STX8: variants seen among roughly 807,000 people sequenced by gnomAD.
STX8 encodes the protein syntaxin-8.
In STX8, 23 loss-of-function variants were observed where a neutral mutation model predicts 37.5. The observed-to-expected ratio is 0.61, with a 90% confidence interval of 0.44 to 0.87. The LOEUF (loss-of-function observed/expected upper bound fraction) is 0.87. STX8 is among the 40% of genes least tolerant of loss of function. The pLI, the probability that STX8 is intolerant of heterozygous loss-of-function variation, is 0.00. For synonymous variants in STX8, 115 were observed against 99.1 expected (o/e 1.16, Z -0.95); for missense variants, 313 against 284.7 (o/e 1.10, Z -0.71).
At chr17:9,504,245 A>G (rs16958368) in intron 5 of STX8, among the ~76,000 whole-genome samples, 5,152 of 152,128 alleles carry the variant, frequency 0.034, 326 homozygotes, top group African/African-American at 0.12. Flanking sequence ...GAGAAACAAT[A>G]TGGAGGGCTT....
intron 6 of STX8, among the ~76,000 whole-genome samples, chr17:9,425,074 G>A (rs1415483944): frequency 6.6e-6 from 1 of 152,066 alleles, no homozygotes; most frequent in East Asian, 1.9e-4. Context: ...ATTTTTATGG[G>A]GTAGGACAGA....
chr17:9,466,418 T>A (rs1905616016), intron 6 of STX8, among the ~76,000 whole-genome samples: 2 of 151,990 alleles, frequency 1.3e-5, no homozygotes, highest in Admixed American at 6.6e-5. Flanking sequence ...TTCCAAAGAG[T>A]GGACTAAATT....
intron 7 of STX8, among the ~76,000 whole-genome samples, chr17:9,333,595 T>A (rs546661915): frequency 1.3e-5 from 2 of 152,154 alleles, no homozygotes; most frequent in Non-Finnish European, 1.5e-5. Flanking sequence ...TTCACTGTGT[T>A]AGCCAGGATG....
At chr17:9,430,629 G>T (rs1913923925) in intron 6 of STX8, among the ~76,000 whole-genome samples, 6 of 147,938 alleles carry the variant, frequency 4.1e-5, no homozygotes, top group Non-Finnish European at 8.9e-5. Flanking sequence ...TTGACGGACA[G>T]TTGGGCTCAG....
At chr17:9,338,048 A>AGTTTTTT (rs1388436382) in intron 7 of STX8, among the ~76,000 whole-genome samples, 1 of 107,888 alleles carries the variant, frequency 9.3e-6, no homozygotes, top group African/African-American at 3.6e-5. Context: ...CCTCTGAAGG[A>AGTTTTTT]TTTTTTTTTT....
chr17:9,395,624 A>T (rs1238594611), intron 6 of STX8, among the ~76,000 whole-genome samples: 1 of 152,186 alleles, frequency 6.6e-6, no homozygotes, highest in Non-Finnish European at 1.5e-5. Context: ...GTACAGGCTA[A>T]GGTATAGGTC....
intron 7 of STX8, among the ~76,000 whole-genome samples, chr17:9,270,032 C>T (rs895741678): frequency 3.7e-4 from 57 of 152,320 alleles, no homozygotes; most frequent in African/African-American, 1.4e-3. Context: ...CATGATTTAC[C>T]TTCCCCGATG....
intron 5 of STX8, among the ~76,000 whole-genome samples, chr17:9,501,068 C>T (rs1408348712): frequency 5.3e-5 from 8 of 152,040 alleles, no homozygotes; most frequent in Non-Finnish European, 1.0e-4. Flanking sequence ...ATATATAAGA[C>T]ACGTATAGCA....
At chr17:9,550,971 A>C (rs186463611) in intron 3 of STX8, among the ~76,000 whole-genome samples, 56 of 152,290 alleles carry the variant, frequency 3.7e-4, no homozygotes, top group Non-Finnish European at 6.8e-4. Flanking sequence ...GGTACTTGGG[A>C]GGCTGGGGTA....
chr17:9,355,743 C>T (rs1910859877), intron 7 of STX8, among the ~76,000 whole-genome samples: 2 of 152,058 alleles, frequency 1.3e-5, no homozygotes, highest in African/African-American at 2.4e-5. Flanking sequence ...CTTCTGACCT[C>T]GTGATCTGCC....
chr17:9,342,084 CTG>C (rs1910379083), intron 7 of STX8, among the ~76,000 whole-genome samples: 4 of 152,114 alleles, frequency 2.6e-5, no homozygotes, highest in Admixed American at 2.0e-4. Context: ...CGGGATGAAA[CTG>C]TTTCATCTCA....
intron 7 of STX8, among the ~76,000 whole-genome samples, chr17:9,341,140 A>G (rs1910343508): frequency 6.6e-6 from 1 of 151,952 alleles, no homozygotes. Flanking sequence ...TTTCACATGG[A>G]AATGGAGGTT....
intron 6 of STX8, among the ~76,000 whole-genome samples, chr17:9,489,791 C>T (rs1206650769): frequency 6.8e-6 from 1 of 146,870 alleles, no homozygotes; most frequent in Non-Finnish European, 1.5e-5. Flanking sequence ...CAGGTTGAAG[C>T]GATTCTCCTG....
chr17:9,321,346 A>T (rs955558723), intron 7 of STX8, among the ~76,000 whole-genome samples: 2 of 151,948 alleles, frequency 1.3e-5, no homozygotes, highest in Non-Finnish European at 2.9e-5. Flanking sequence ...CCTGGCCAAC[A>T]TGGTAAAACC....
chr17:9,500,549 G>A (rs35048190), intron 5 of STX8, among the ~76,000 whole-genome samples: 12,957 of 152,230 alleles, frequency 0.085, 701 homozygotes, highest in South Asian at 0.14. Flanking sequence ...GTACTCTGTA[G>A]ATCTGCACAG....
intron 7 of STX8, among the ~76,000 whole-genome samples, chr17:9,369,943 G>A (rs1049572575): frequency 1.9e-4 from 28 of 146,644 alleles, no homozygotes; most frequent in African/African-American, 5.5e-4. Context: ...AGCCAGGTGC[G>A]GTGGCTCACA....
At chr17:9,520,355 C>A (rs1448827165) in intron 4 of STX8, among the ~76,000 whole-genome samples, 1 of 152,166 alleles carries the variant, frequency 6.6e-6, no homozygotes, top group African/African-American at 2.4e-5. Flanking sequence ...CAGTAAAACA[C>A]CTTGTAGCTC....
intron 7 of STX8, among the ~76,000 whole-genome samples, chr17:9,362,336 A>G (rs1290227910): frequency 6.6e-6 from 1 of 152,188 alleles, no homozygotes; most frequent in Non-Finnish European, 1.5e-5. Flanking sequence ...ACAAACAAAC[A>G]AACATGTAAT....
intron 7 of STX8, among the ~76,000 whole-genome samples, chr17:9,274,310 C>G (rs1220623099): frequency 2.0e-5 from 3 of 151,926 alleles, no homozygotes; most frequent in East Asian, 3.9e-4. Flanking sequence ...TCATAACTTC[C>G]TGCAGTAAAA....
Sources: gnomAD v4.1 joint callset for allele counts (sites outside exome capture counted in the v4.1 genomes callset) on GRCh38, gnomAD v4.1.1 for gene constraint, MANE v1.5 for transcripts, NCBI Gene and HGNC (gene_info 2026-07-23, HGNC 2026-07-21) for gene names.